Variants in SIGLEC8 observed in about 807,000 individuals in gnomAD.
The protein encoded by SIGLEC8 is sialic acid binding Ig like lectin 8.
A neutral mutation model predicts 42.1 loss-of-function variants in SIGLEC8; 32 were observed. The observed-to-expected ratio is 0.76, with a 90% confidence interval of 0.57 to 1.02. The LOEUF is 1.02. Ranked by LOEUF, SIGLEC8 falls within the 50% of genes least tolerant of loss-of-function variation. The pLI is 0.00. For missense variants in SIGLEC8, 611 were observed against 610.2 expected (o/e 1.00, Z -0.01); for synonymous variants, 262 against 260.3 (o/e 1.01, Z -0.06).
Position 51,454,640 on chromosome 19 carries a change from C to A in SIGLEC8, c.1148+44G>T, listed in dbSNP as rs751366682. On this transcript the variant is annotated intron_variant, in intron 5 of 6. Transcript: ENST00000321424. The surrounding 1 kb of genome is among the most constrained non-coding windows in gnomAD (Gnocchi z 4.7). The stretch of plus-strand genomic sequence containing the variant: ...CTTCAGGGATTCTGTTCCCGGTCTG[C>A]CCTGCCCCAGGTCTCTCTCTCCCTC... 17 of 1,503,880 alleles carry A rather than the reference C, an allele frequency of 1.1e-5. No individual in the cohort carries two copies. Among genetic ancestry groups the A allele is most frequent in the Non-Finnish European group, 1.6e-5 (17 of 1,080,328 alleles). 93.2% of individuals were successfully genotyped at this position (1,503,880 alleles called of 1,614,324 possible).
At chr19:51,453,263 A>AT (rs1299854225) in intron 6 of SIGLEC8, among the ~76,000 whole-genome samples, 12 of 151,638 alleles carry the variant, frequency 7.9e-5, no homozygotes, top group Non-Finnish European at 1.2e-4. Context: ...TAAGTTTTGC[A>AT]TTTTTTTGTA....
rs199639369 is a variant in SIGLEC8 at position 51,455,553 on chromosome 19, G to C, written c.916C>G (p.Arg306Gly). 6.2e-7 allele frequency: 1 copy of C among 1,614,104 alleles called. No individual in the cohort carries two copies. Among genetic ancestry groups the C allele is most frequent in the Non-Finnish European group, 8.5e-7 (1 of 1,179,996 alleles). ...TCCAGCAGCCCAGGGTTTGAGGACC[G>C]TGAGGGGCACAGGGTCAGGCTCCCC... ...TRGSLTLCPS[R>G]SSNPGLLELP... Residue 306 changes from arginine (R) to glycine (G), a missense_variant, in exon 4 of 7, where the codon CGG becomes GGG. By Grantham distance (125) the Arg-to-Gly change is moderately radical. Coordinates refer to ENST00000321424, the MANE Select transcript of SIGLEC8 (RefSeq NM_014442.3).
intron 2 of SIGLEC8, 114 bp from the exon 3 acceptor site, chr19:51,457,345 C>A (rs575961182): frequency 2.0e-6 from 3 of 1,503,324 alleles, no homozygotes; most frequent in Admixed American, 1.9e-5. Context: ...CCTGACCCCA[C>A]TCCCAGCCCA....
At position 51,455,590 on chromosome 19, in the gene SIGLEC8, C is replaced by T; in HGVS notation, c.879G>A (p.Leu293=). 1 of 1,614,178 alleles carries T rather than the reference C, an allele frequency of 6.2e-7. No homozygotes were observed. Among genetic ancestry groups the T allele is most frequent in the Non-Finnish European group, 8.5e-7 (1 of 1,180,026 alleles). Residue 293 remains leucine, a synonymous_variant, in exon 4 of 7, where the codon CTG becomes CTA. Coordinates refer to ENST00000321424, the MANE Select transcript of SIGLEC8 (RefSeq NM_014442.3). ...GGGTCAGGCTCCCCCGGGTCCAGCT[C>T]AGCCTGGCAGGGGGATTGCTGTTGA... ...CAVNSNPPAR[L]SWTRGSLTLC...
In SIGLEC8 at chr19:51,458,232, G is replaced by T; in HGVS notation, c.156C>A (p.Pro52=). Residue 52 remains proline, a synonymous_variant, in exon 1 of 7, where the codon CCC becomes CCA. Transcript: ENST00000321424. ...GGTCAGAGTCAGTCCAGCCATCCTGGGGGTAGGAGAAGGAGCAGGGCACAT... is the reference window on the plus strand; with the variant it reads ...GGTCAGAGTCAGTCCAGCCATCCTGTGGGTAGGAGAAGGAGCAGGGCACAT... ...CVHVPCSFSY[P]QDGWTDSDPV... The T allele has an allele frequency of 6.2e-7, 1 of 1,614,132 alleles. No individual in the cohort carries two copies. Among genetic ancestry groups the T allele is most frequent in the Non-Finnish European group, 8.5e-7 (1 of 1,180,016 alleles).
rs772968823 is a variant in SIGLEC8 at position 51,454,633 on chromosome 19, C to T, written c.1148+51G>A. ...GCTCTGGCTTCAGGGATTCTGTTCC[C>T]GGTCTGCCCTGCCCCAGGTCTCTCT... On this transcript the variant is annotated intron_variant, in intron 5 of 6. Transcript: ENST00000321424. This position sits in a 1 kb window ranked among gnomAD's most constrained non-coding sequence, Gnocchi z 4.7. 5.1e-5 allele frequency: 74 copies of T among 1,463,750 alleles called. No homozygotes were observed. Among genetic ancestry groups the T allele is most frequent in the East Asian group, 2.7e-4 (12 of 44,066 alleles). 90.7% of individuals were successfully genotyped at this position (1,463,750 alleles called of 1,614,324 possible). A position where few individuals can be genotyped will look rare whatever the true frequency, so the allele number is the denominator to read the frequency against.
chr19:51,457,238 C>G lies in SIGLEC8; in HGVS notation c.734-7G>C. 1 of 1,612,774 alleles carries G rather than the reference C, an allele frequency of 6.2e-7. No homozygotes were observed. Among genetic ancestry groups the G allele is most frequent in the Non-Finnish European group, 8.5e-7 (1 of 1,179,170 alleles). On this transcript the variant is annotated splice_region_variant and splice_polypyrimidine_tract_variant and intron_variant, in intron 2 of 6. Coordinates refer to ENST00000321424, the MANE Select transcript of SIGLEC8 (RefSeq NM_014442.3). ...GTCAAGTTCCAAGGAGGGTCTGGGA[C>G]AGAAAGACATGAAGACCCACATTAC...
intron 3 of SIGLEC8, 117 bp from the exon 4 acceptor site, chr19:51,455,804 A>G (rs1272151084): frequency 1.0e-6 from 1 of 971,258 alleles, no homozygotes; most frequent in Non-Finnish European, 1.5e-6. Flanking sequence ...TATTCACAAT[A>G]GCAAAGACTT....
At position 51,454,131 on chromosome 19, in the gene SIGLEC8, G is replaced by A; in HGVS notation, c.1245+88C>T. ...GAGGAGGAGACGAGGAAGTGACTTT[G>A]GCCATACCAAAGAGAGCGATCCTGG... On this transcript the variant is annotated intron_variant, in intron 6 of 6. Coordinates refer to ENST00000321424, the MANE Select transcript of SIGLEC8 (RefSeq NM_014442.3). This position sits in a 1 kb window ranked among gnomAD's most constrained non-coding sequence, Gnocchi z 4.7. 1 of 1,585,574 alleles carries A rather than the reference G, an allele frequency of 6.3e-7. No homozygotes were observed. The highest frequency in any genetic ancestry group is 1.7e-4 in the Middle Eastern group (1 of 5,902).
In SIGLEC8 at chr19:51,454,384, C is replaced by T. The variant is rs545908294; in HGVS notation, c.1149-69G>A. ...GGTGCAGTGGGCAGACCAACCCCTG[C>T]CCTGTATTTCCTACTGGGGGCTTGA... On this transcript the variant is annotated intron_variant, in intron 5 of 6. Transcript: ENST00000321424. This position sits in a 1 kb window ranked among gnomAD's most constrained non-coding sequence, Gnocchi z 4.7. The T allele has an allele frequency of 2.5e-6, 4 of 1,611,336 alleles. No homozygotes were observed. The South Asian group carries it at 4.4e-5, about 18-fold the overall frequency.
Position 51,455,448 on chromosome 19 carries a change from G to C in SIGLEC8, c.1021C>G (p.Leu341Val). ...QNAQGSQHIS[L>V]SLSLQNEGTG... Reference sequence around the variant, plus strand: ...CCCTCATTCTGCAGGGAGAGGCTCAGGGAAATGTGCTGGGAGCCCTGAGCG... The same window carrying C: ...CCCTCATTCTGCAGGGAGAGGCTCACGGAAATGTGCTGGGAGCCCTGAGCG... The change falls in exon 4 of 7, where the codon CTG (leucine) becomes GTG (valine). Residue 341 changes from leucine to valine, a missense_variant. Coordinates refer to ENST00000321424, the MANE Select transcript of SIGLEC8 (RefSeq NM_014442.3). The C allele has an allele frequency of 6.2e-7, 1 of 1,614,080 alleles. No homozygotes were observed. The highest frequency in any genetic ancestry group is 1.1e-5 in the South Asian group (1 of 91,084).
intron 3 of SIGLEC8, among the ~76,000 whole-genome samples, chr19:51,456,603 T>C (rs545835589): frequency 1.1e-3 from 168 of 152,214 alleles, no homozygotes; most frequent in South Asian, 8.1e-3. Flanking sequence ...TCACACACGG[T>C]CCTAGAGGAC....
At chr19:51,453,889 A>G in intron 6 of SIGLEC8, 4 of 985,196 alleles carry the variant, frequency 4.1e-6, no homozygotes, top group Non-Finnish European at 4.8e-6. Flanking sequence ...AAAAATAATG[A>G]GAGGGGTCAG....
In SIGLEC8 at chr19:51,457,850, AC is replaced by A. The variant is rs1422063469; in HGVS notation, c.454+83del. On this transcript the variant is annotated intron_variant, in intron 1 of 6. Coordinates refer to ENST00000321424, the MANE Select transcript of SIGLEC8 (RefSeq NM_014442.3). ...CGGAGACCGACTTATTTCAATCCCA[AC>A]CCCCTCCCAGGCCCCATCCCAGCCC... The A allele has an allele frequency of 2.1e-5, 32 of 1,493,682 alleles. No individual in the cohort carries two copies. The East Asian group carries it at 6.2e-4, about 29-fold the overall frequency. 92.5% of individuals were successfully genotyped at this position (1,493,682 alleles called of 1,614,324 possible).
At chr19:51,453,140 G>T (rs761886164) in intron 6 of SIGLEC8, among the ~76,000 whole-genome samples, 11 of 151,984 alleles carry the variant, frequency 7.2e-5, no homozygotes, top group East Asian at 1.9e-4. Context: ...CCAGGCTGGA[G>T]TGCAGTGGTG....
chr19:51,457,287 C>T, intron 2 of SIGLEC8, 56 bp from the exon 3 acceptor site: 7 of 1,563,268 alleles, frequency 4.5e-6, no homozygotes, highest in Non-Finnish European at 6.1e-6. Context: ...GACATTGGCC[C>T]TGTCTTCCCA....
At position 51,452,122 on chromosome 19, in the gene SIGLEC8, G is replaced by T. The variant is rs1360821607; in HGVS notation, c.*257C>A. On this transcript the variant is annotated 3_prime_UTR_variant, in exon 7 of 7. Coordinates refer to ENST00000321424, the MANE Select transcript of SIGLEC8 (RefSeq NM_014442.3). ...TGAGAGAACATGGATGAACCTAGGG[G>T]ATATTTTTTTGTGTAAAATGAGCCA... The T allele has an allele frequency of 2.8e-6, 1 of 362,672 alleles. No individual in the cohort carries two copies. The highest frequency in any genetic ancestry group is 4.9e-6 in the Non-Finnish European group (1 of 202,768). The allele number at this position is 362,672 out of a possible 1,614,324, so 22.5% of individuals were successfully genotyped here.
chr19:51,454,140 A>T lies in SIGLEC8; in HGVS notation c.1245+79T>A. 6.3e-7 allele frequency: 1 copy of T among 1,597,404 alleles called. No individual in the cohort carries two copies. The highest frequency in any genetic ancestry group is 8.5e-7 in the Non-Finnish European group (1 of 1,171,198). On this transcript the variant is annotated intron_variant, in intron 6 of 6. Coordinates refer to ENST00000321424, the MANE Select transcript of SIGLEC8 (RefSeq NM_014442.3). The surrounding 1 kb of genome is among the most constrained non-coding windows in gnomAD (Gnocchi z 4.7). ...ACGAGGAAGTGACTTTGGCCATACCAAAGAGAGCGATCCTGGGGGCCATCC... is the reference window on the plus strand; with the variant it reads ...ACGAGGAAGTGACTTTGGCCATACCTAAGAGAGCGATCCTGGGGGCCATCC...
intron 6 of SIGLEC8, among the ~76,000 whole-genome samples, chr19:51,452,874 TA>T (rs1989398873): frequency 6.6e-6 from 1 of 152,194 alleles, no homozygotes; most frequent in African/African-American, 2.4e-5. Flanking sequence ...CTCCACTTTA[TA>T]AATATGAAAA....
Sources: gnomAD v4.1 joint callset for allele counts (sites outside exome capture counted in the v4.1 genomes callset) on GRCh38, gnomAD v4.1.1 for gene constraint, Gnocchi (gnomAD v3.1) non-coding constraint, MANE v1.5 for transcripts, NCBI Gene and HGNC (gene_info 2026-07-23, HGNC 2026-07-21) for gene names.